The following NAT2 variants were observed in gnomAD, a reference collection of about 807,000 sequenced individuals.
NAT2 encodes the protein N-acetyltransferase 2.
For synonymous variants in NAT2, 137 were observed against 125.9 expected (o/e 1.09, Z -0.59); for missense variants, 428 against 339.1 (o/e 1.26, Z -2.06).
At position 18,400,313 on chromosome 8, in the gene NAT2, G is replaced by A. The variant is rs1445503066; in HGVS notation, c.310G>A (p.Gly104Ser). ...CCCTCCAGTTAACAAATACAGCACTGGCATGGTTCACCTTCTCCTGCAGGT... is the reference window on the plus strand; with the variant it reads ...CCCTCCAGTTAACAAATACAGCACTAGCATGGTTCACCTTCTCCTGCAGGT... ...YIPPVNKYSTGMVHLLLQVTI... is the reference protein window; with the variant it reads ...YIPPVNKYSTSMVHLLLQVTI... The change falls in exon 2 of 2, where the codon GGC (glycine) becomes AGC (serine). Residue 104 changes from glycine to serine, a missense_variant. Gly to Ser is a moderately conservative substitution (Grantham distance 56). Transcript: ENST00000286479. The A allele has an allele frequency of 1.2e-6, 2 of 1,613,778 alleles. No homozygotes were observed. The highest frequency in any genetic ancestry group is 2.2e-5 in the East Asian group (1 of 44,868).
At position 18,400,427 on chromosome 8, in the gene NAT2, G is replaced by T. The variant is rs1800770332; in HGVS notation, c.424G>T (p.Asp142Tyr). The T allele has an allele frequency of 1.9e-6, 3 of 1,613,174 alleles. No individual in the cohort carries two copies. Among genetic ancestry groups the T allele is most frequent in the Non-Finnish European group, 2.5e-6 (3 of 1,179,750 alleles). Residue 142 changes from aspartate to tyrosine, a missense_variant, in exon 2 of 2, where the codon GAT becomes TAT. Coordinates refer to ENST00000286479, the MANE Select transcript of NAT2 (RefSeq NM_000015.3). ...WQPLELISGK[D>Y]QPQVPCIFCL... The stretch of plus-strand genomic sequence containing the variant: ...GCCTCTAGAATTAATTTCTGGGAAG[G>T]ATCAGCCTCAGGTGCCTTGCATTTT...
rs774222020 is a variant in NAT2, at chr8:18,400,843, G to A, written c.840G>A (p.Val280=). ...AGATTTCCTTGGGGAGAAATCTCGT[G>A]CCCAAACCTGGTGATGGATCCCTTA... ...IFKISLGRNL[V]PKPGDGSLTI Residue 280 remains valine (V), a synonymous_variant, in exon 2 of 2, where the codon GTG becomes GTA. Coordinates refer to ENST00000286479, the MANE Select transcript of NAT2 (RefSeq NM_000015.3). 9 of 1,604,590 alleles carry A rather than the reference G, an allele frequency of 5.6e-6. No homozygotes were observed. Among genetic ancestry groups the A allele is most frequent in the Non-Finnish European group, 6.8e-6 (8 of 1,177,018 alleles).
At chr8:18,398,640 A>G (rs1800731509) in intron 1 of NAT2, among the ~76,000 whole-genome samples, 1 of 152,168 alleles carries the variant, frequency 6.6e-6, no homozygotes, top group Non-Finnish European at 1.5e-5. Context: ...TGGTACTAAG[A>G]GTCACGTATT....
Position 18,400,756 on chromosome 8 carries a change from T to G in NAT2, c.753T>G (p.Asp251Glu). 6.2e-7 allele frequency: 1 copy of G among 1,613,570 alleles called. No homozygotes were observed. Among genetic ancestry groups the G allele is most frequent in the African/African-American group, 1.3e-5 (1 of 74,998 alleles). The change falls in exon 2 of 2, where the codon GAT becomes GAG. Residue 251 changes from aspartate to glutamate, a missense_variant. Transcript: ENST00000286479. ...YRKFNYKDNT[D>E]LVEFKTLTEE... ...AATTCAATTATAAAGACAATACAGATCTGGTCGAGTTTAAAACTCTCACTG... is the reference window on the plus strand; with the variant it reads ...AATTCAATTATAAAGACAATACAGAGCTGGTCGAGTTTAAAACTCTCACTG...
Position 18,400,912 on chromosome 8 carries a change from C to G in NAT2, c.*36C>G. On this transcript the variant is annotated 3_prime_UTR_variant, in exon 2 of 2. Transcript: ENST00000286479. ...AAAATAAACCCTTGTGTATGTATCA[C>G]CCAACTCACTAATTATCAACTTATG... is the stretch of plus-strand genomic sequence containing the variant. The G allele has an allele frequency of 6.8e-7, 1 of 1,468,064 alleles. No individual in the cohort carries two copies. The highest frequency in any genetic ancestry group is 9.1e-7 in the Non-Finnish European group (1 of 1,092,932). 90.9% of individuals were successfully genotyped at this position (1,468,064 alleles called of 1,614,324 possible).
At chr8:18,388,786 G>A (rs1357096554), upstream of NAT2, among the ~76,000 whole-genome samples, 1 of 152,258 alleles carries the variant, frequency 6.6e-6, no homozygotes, top group Admixed American at 6.5e-5. Flanking sequence ...TTTCTTTATG[G>A]TATCACTGTT....
At chr8:18,390,342 T>C (rs774930997), upstream of NAT2, among the ~76,000 whole-genome samples, 1 of 152,072 alleles carries the variant, frequency 6.6e-6, no homozygotes, top group African/African-American at 2.4e-5. Context: ...AAGAGTAGAA[T>C]AGTTAGAGTA....
intron 1 of NAT2, among the ~76,000 whole-genome samples, chr8:18,391,944 G>C (rs538677009): frequency 3.3e-5 from 5 of 152,112 alleles, no homozygotes; most frequent in African/African-American, 1.2e-4. Context: ...TGTACTGACC[G>C]CAAGTCTTTA....
chr8:18,388,080 A>G (rs1183563848), upstream of NAT2, among the ~76,000 whole-genome samples: 1 of 152,200 alleles, frequency 6.6e-6, no homozygotes, highest in Non-Finnish European at 1.5e-5. Flanking sequence ...TGAAGAGACT[A>G]TTCTCCAGTA....
chr8:18,399,115 G>A (rs1320715551), intron 1 of NAT2, among the ~76,000 whole-genome samples: 1 of 152,140 alleles, frequency 6.6e-6, no homozygotes, highest in Non-Finnish European at 1.5e-5. Context: ...CTGTGCTCCA[G>A]TCACCCTGGC....
upstream of NAT2, among the ~76,000 whole-genome samples, chr8:18,390,196 C>CGG (rs1554493311): frequency 6.6e-6 from 1 of 151,986 alleles, no homozygotes; most frequent in Non-Finnish European, 1.5e-5. Flanking sequence ...AGCCTTCCCA[C>CGG]AGAGTCCCGA....
upstream of NAT2, among the ~76,000 whole-genome samples, chr8:18,389,375 C>T (rs56308158): frequency 4.5e-4 from 69 of 152,326 alleles, 1 homozygote; most frequent in East Asian, 0.011. Flanking sequence ...CATCTCTCTT[C>T]GCCTGTGTGT....
chr8:18,394,468 C>T (rs1015721583), intron 1 of NAT2, among the ~76,000 whole-genome samples: 1 of 152,112 alleles, frequency 6.6e-6, no homozygotes, highest in African/African-American at 2.4e-5. Context: ...TAAAAAATGG[C>T]TTTGCTGGAA....
upstream of NAT2, among the ~76,000 whole-genome samples, chr8:18,389,267 T>C (rs1223537870): frequency 6.6e-6 from 1 of 152,178 alleles, no homozygotes; most frequent in Non-Finnish European, 1.5e-5. Context: ...CAGTCAAAAA[T>C]GGTCCAGATC....
At chr8:18,395,152 A>G (rs1035345998) in intron 1 of NAT2, among the ~76,000 whole-genome samples, 1 of 152,174 alleles carries the variant, frequency 6.6e-6, no homozygotes, top group African/African-American at 2.4e-5. Flanking sequence ...TTAGTTCTCC[A>G]TGAGAGTCCT....
upstream of NAT2, among the ~76,000 whole-genome samples, chr8:18,390,248 G>T (rs1323441147): frequency 6.6e-6 from 1 of 152,148 alleles, no homozygotes; most frequent in South Asian, 2.1e-4. Context: ...TGGAACAGTA[G>T]GTGCTAAAGG....
chr8:18,398,951 A>C (rs138646690), intron 1 of NAT2, among the ~76,000 whole-genome samples: 1 of 152,330 alleles, frequency 6.6e-6, no homozygotes, highest in African/African-American at 2.4e-5. Context: ...GATCACTTTG[A>C]TTAGGCGAAC....
At chr8:18,386,842 C>T (rs551098386), upstream of NAT2, among the ~76,000 whole-genome samples, 9 of 152,292 alleles carry the variant, frequency 5.9e-5, no homozygotes, top group Admixed American at 5.2e-4. Context: ...GAAGGATCTG[C>T]GCCCTGTGTT....
chr8:18,393,459 A>G (rs1055287737), intron 1 of NAT2, among the ~76,000 whole-genome samples: 4 of 152,158 alleles, frequency 2.6e-5, no homozygotes, highest in Non-Finnish European at 5.9e-5. Flanking sequence ...GCATTTCTGT[A>G]GAAACAGAAA....
Sources: allele counts gnomAD v4.1 joint callset (sites outside exome capture counted in the v4.1 genomes callset), GRCh38; gene constraint gnomAD v4.1.1; transcripts MANE v1.5; gene names NCBI Gene and HGNC (gene_info 2026-07-23, HGNC 2026-07-21).